Variants in SLC5A11 observed in about 807,000 individuals in gnomAD.
SLC5A11 encodes the protein solute carrier family 5 member 11.
In SLC5A11, 48 loss-of-function variants were observed where a neutral mutation model predicts 69.8. The ratio of observed to expected loss-of-function variants is 0.69; its 90% CI spans 0.55 to 0.87. The LOEUF (loss-of-function observed/expected upper bound fraction) is 0.87, where lower values mean the gene tolerates loss of function less well. Ranked by LOEUF, SLC5A11 falls within the 40% of genes least tolerant of loss-of-function variation. SLC5A11 has a pLI of 0.00. For missense variants in SLC5A11, 784 were observed against 866.1 expected (o/e 0.91, Z 1.19); for synonymous variants, 319 against 342.4 (o/e 0.93, Z 0.75).
chr16:24,888,870 C>T (rs2048580413), intron 8 of SLC5A11, among the ~76,000 whole-genome samples: 1 of 139,734 alleles, frequency 7.2e-6, no homozygotes, highest in Non-Finnish European at 1.5e-5. Flanking sequence ...GATCTTGGCT[C>T]ACTGCAACCT....
intron 1 of SLC5A11, among the ~76,000 whole-genome samples, chr16:24,855,424 T>C (rs1325316701): frequency 7.2e-6 from 1 of 138,022 alleles, no homozygotes; most frequent in Non-Finnish European, 1.5e-5. Context: ...CAACATAGAC[T>C]TCATCTCTAC....
rs1459046446 is a variant in SLC5A11, at chr16:24,898,116, A to G, written c.1006+7A>G. 3.7e-6 allele frequency: 6 copies of G among 1,613,496 alleles called. No homozygotes were observed. In the African/African-American group the frequency reaches 4.0e-5, roughly 11 times the overall value. On this transcript the variant is annotated splice_region_variant and intron_variant, in intron 10 of 15. Transcript: ENST00000347898. Reference sequence around the variant, plus strand: ...AGCCGCATCCTCTTCCCAGGTGAGAACACAGCTGGGGGAAGAGGTCATTGG... The same window carrying G: ...AGCCGCATCCTCTTCCCAGGTGAGAGCACAGCTGGGGGAAGAGGTCATTGG...
chr16:24,877,114 G>T (rs1409897568), intron 6 of SLC5A11, 144 bp from the exon 8 acceptor site: 1 of 1,500,504 alleles, frequency 6.7e-7, no homozygotes, highest in Non-Finnish European at 8.9e-7. Context: ...CTGGGATGCA[G>T]TGGATTAACA....
chr16:24,855,988 T>G (rs190759053), intron 1 of SLC5A11, among the ~76,000 whole-genome samples: 1 of 152,310 alleles, frequency 6.6e-6, no homozygotes, highest in East Asian at 1.9e-4. Context: ...CGTTCTTGCT[T>G]CTCATCAAGG....
chr16:24,888,369 C>G (rs1484058008), intron 8 of SLC5A11, among the ~76,000 whole-genome samples: 1 of 151,756 alleles, frequency 6.6e-6, no homozygotes, highest in Non-Finnish European at 1.5e-5. Context: ...ACAGTCAAAG[C>G]TGTACCTCTA....
chr16:24,897,370 C>T (rs1461470832), intron 9 of SLC5A11, among the ~76,000 whole-genome samples: 3 of 152,002 alleles, frequency 2.0e-5, no homozygotes, highest in Non-Finnish European at 4.4e-5. Context: ...CTGTGGAGGA[C>T]TCTAATTGGC....
chr16:24,902,807 G>A (rs1039875856), intron 10 of SLC5A11, among the ~76,000 whole-genome samples: 7 of 152,208 alleles, frequency 4.6e-5, no homozygotes, highest in Middle Eastern at 3.4e-3. Context: ...CCAAAGTGTC[G>A]GAATTACAGG....
At chr16:24,906,901 A>G (rs1258385709) in intron 11 of SLC5A11, 124 bp from the exon 13 acceptor site, 1 of 1,443,892 alleles carries the variant, frequency 6.9e-7, no homozygotes. Flanking sequence ...AAGAAAGGCT[A>G]CGTCCTGCAG....
chr16:24,869,170 AC>A (rs1236419155), intron 3 of SLC5A11, among the ~76,000 whole-genome samples: 1 of 151,822 alleles, frequency 6.6e-6, no homozygotes, highest in East Asian at 1.9e-4. Context: ...GCCCGGCTGG[AC>A]CTGCCTTTCT....
chr16:24,878,453 C>G (rs2047828625), intron 7 of SLC5A11, among the ~76,000 whole-genome samples: 1 of 152,310 alleles, frequency 6.6e-6, no homozygotes, highest in Non-Finnish European at 1.5e-5. Context: ...TCACCCTTTT[C>G]CGCCTCCTCT....
At chr16:24,880,232 G>C (rs1036043335) in intron 7 of SLC5A11, among the ~76,000 whole-genome samples, 2 of 152,186 alleles carry the variant, frequency 1.3e-5, no homozygotes, top group Non-Finnish European at 2.9e-5. Flanking sequence ...TGGCTAGGAG[G>C]CCTCAGGAAA....
chr16:24,890,120 A>G (rs1352350786), intron 8 of SLC5A11, among the ~76,000 whole-genome samples: 2 of 152,180 alleles, frequency 1.3e-5, no homozygotes, highest in Non-Finnish European at 2.9e-5. Context: ...TCCTAATGTC[A>G]TACAGATGTT....
chr16:24,908,471 C>T (rs1397568792), intron 13 of SLC5A11, among the ~76,000 whole-genome samples: 2 of 151,336 alleles, frequency 1.3e-5, no homozygotes, highest in Non-Finnish European at 2.9e-5. Context: ...TGGTGGTGGG[C>T]GCCTGTAATC....
intron 2 of SLC5A11, among the ~76,000 whole-genome samples, chr16:24,861,665 AAAG>A (rs2046557005): frequency 6.9e-6 from 1 of 145,630 alleles, no homozygotes; most frequent in Non-Finnish European, 1.5e-5. Flanking sequence ...AAAGAAAAAG[AAAG>A]AAAGGAAGGA....
intron 9 of SLC5A11, among the ~76,000 whole-genome samples, chr16:24,894,529 C>A (rs1311023418): frequency 6.6e-6 from 1 of 152,138 alleles, no homozygotes; most frequent in African/African-American, 2.4e-5. Context: ...TGGCTGGGCA[C>A]AGTGGTTCAC....
chr16:24,862,094 T>G (rs2046607346), intron 2 of SLC5A11: 1 of 152,320 alleles, frequency 6.6e-6, no homozygotes, highest in African/African-American at 2.4e-5. Context: ...AAATTTCTGT[T>G]GTTTAAAAAT....
intron 7 of SLC5A11, among the ~76,000 whole-genome samples, chr16:24,880,098 A>G (rs1309614729): frequency 6.6e-6 from 1 of 152,154 alleles, no homozygotes; most frequent in Non-Finnish European, 1.5e-5. Flanking sequence ...CAGTGGCTGA[A>G]CTAATTTACA....
chr16:24,901,956 A>ACACGCG (rs1393594765), intron 10 of SLC5A11, among the ~76,000 whole-genome samples: 16 of 95,884 alleles, frequency 1.7e-4, no homozygotes, highest in African/African-American at 4.7e-4. Flanking sequence ...ACACACACAC[A>ACACGCG]CGCACACACA....
intron 8 of SLC5A11, among the ~76,000 whole-genome samples, chr16:24,886,286 G>A (rs1597175174): frequency 6.6e-6 from 1 of 152,090 alleles, no homozygotes; most frequent in East Asian, 1.9e-4. Flanking sequence ...GCCCGCCTTG[G>A]CCTCCCAAAG....
Sources: gnomAD v4.1 joint callset for allele counts (sites outside exome capture counted in the v4.1 genomes callset) on GRCh38, gnomAD v4.1.1 for gene constraint, MANE v1.5 for transcripts, NCBI Gene and HGNC (gene_info 2026-07-23, HGNC 2026-07-21) for gene names.